RHOD: variants seen among roughly 807,000 people sequenced by gnomAD.
RHOD encodes the protein rho-related GTP-binding protein RhoD.
Under a neutral mutation model 16.7 loss-of-function variants are expected in RHOD, and 11 were observed. The observed-to-expected ratio is 0.66, with a 90% confidence interval of 0.41 to 1.09. RHOD has a LOEUF of 1.09. Ranked by LOEUF, RHOD falls within the 50% of genes least tolerant of loss-of-function variation. RHOD has a pLI of 0.00. For missense variants in RHOD, 271 were observed against 291.7 expected (o/e 0.93, Z 0.52); for synonymous variants, 124 against 126.3 (o/e 0.98, Z 0.12).
At chr11:67,061,822 G>GTA (rs1263129494) in intron 1 of RHOD, among the ~76,000 whole-genome samples, 1 of 124,776 alleles carries the variant, frequency 8.0e-6, no homozygotes, top group Admixed American at 8.9e-5. Flanking sequence ...ATATATATAT[G>GTA]TGTGTGTGTG....
Position 67,065,885 on chromosome 11 carries a change from C to T in RHOD, c.133-11C>T, listed in dbSNP as rs1232308394. ...CCTCCTCACACCCTCCCCCGCCCTG[C>T]TTCTCCTCAGAGCTACACCCCCACG... On this transcript the variant is annotated splice_polypyrimidine_tract_variant and intron_variant, in intron 1 of 4. Transcript: ENST00000308831. 5.6e-6 allele frequency: 9 copies of T among 1,609,898 alleles called. No individual in the cohort carries two copies. The African/African-American group carries it at 9.4e-5, about 17-fold the overall frequency.
chr11:67,071,528 G>T lies in RHOD; in HGVS notation c.559G>T (p.Ala187Ser). Reference sequence around the variant, plus strand: ...CGTCCACGCCGTCTTCCAGGAGGCCGCCGAGGTGGCCCTCAGCAGCCGCGG... The same window carrying T: ...CGTCCACGCCGTCTTCCAGGAGGCCTCCGAGGTGGCCCTCAGCAGCCGCGG... ...DNVHAVFQEAAEVALSSRGRN... is the reference protein window; with the variant it reads ...DNVHAVFQEASEVALSSRGRN... The change falls in exon 5 of 5, where the codon GCC becomes TCC. Residue 187 changes from alanine (A) to serine (S), a missense_variant. Transcript: ENST00000308831. 6.2e-7 allele frequency: 1 copy of T among 1,611,670 alleles called. No homozygotes were observed.
Position 67,070,555 on chromosome 11 carries a change from A to G in RHOD, c.461A>G (p.His154Arg), listed in dbSNP as rs749153297. The G allele has an allele frequency of 3.1e-6, 5 of 1,614,020 alleles. No individual in the cohort carries two copies. The highest frequency in any genetic ancestry group is 3.3e-5 in the Admixed American group (2 of 60,016). The change falls in exon 4 of 5, where the codon CAC becomes CGC. Residue 154 changes from histidine (H) to arginine (R), a missense_variant. Coordinates refer to ENST00000308831, the MANE Select transcript of RHOD (RefSeq NM_014578.4). ...AACGGATTGGAGCCTGTGACCTACC[A>G]CAGGGTAGGAAACCCAGCCCGAGGT... ...RRNGLEPVTY[H>R]RGQEMARSVG...
At chr11:67,067,085 T>C (rs965833574) in intron 3 of RHOD, among the ~76,000 whole-genome samples, 1 of 152,222 alleles carries the variant, frequency 6.6e-6, no homozygotes, top group African/African-American at 2.4e-5. Context: ...ACAGTGCTCC[T>C]TGCCTACCCT....
At chr11:67,064,040 A>G (rs1349294616) in intron 1 of RHOD, among the ~76,000 whole-genome samples, 1 of 141,658 alleles carries the variant, frequency 7.1e-6, no homozygotes, top group East Asian at 2.3e-4. Context: ...CAGAAGGCAG[A>G]GGTTGCAGTG....
intron 3 of RHOD, among the ~76,000 whole-genome samples, chr11:67,067,954 C>T (rs1854979386): frequency 6.6e-6 from 1 of 152,158 alleles, no homozygotes; most frequent in Non-Finnish European, 1.5e-5. Context: ...CGCCCGCCAC[C>T]ACGCCCGGCT....
intron 1 of RHOD, among the ~76,000 whole-genome samples, chr11:67,061,760 A>G (rs1456145554): frequency 7.0e-6 from 1 of 142,058 alleles, no homozygotes; most frequent in Non-Finnish European, 1.5e-5. Flanking sequence ...AAAAAAATAT[A>G]TATATATATA....
intron 1 of RHOD, among the ~76,000 whole-genome samples, chr11:67,057,562 C>T (rs1854828624): frequency 6.6e-6 from 1 of 152,216 alleles, no homozygotes; most frequent in African/African-American, 2.4e-5. Flanking sequence ...TGGCACATGT[C>T]GCTCCTGGGA....
intron 1 of RHOD, among the ~76,000 whole-genome samples, chr11:67,059,828 C>G (rs931729739): frequency 3.3e-5 from 5 of 152,204 alleles, no homozygotes; most frequent in Non-Finnish European, 5.9e-5. Context: ...TCTAGGCAGC[C>G]CTCGAAGCCC....
In RHOD at chr11:67,071,325, A is replaced by T. The variant is rs534208716; in HGVS notation, c.466-110A>T. On this transcript the variant is annotated intron_variant, in intron 4 of 4. Coordinates refer to ENST00000308831, the MANE Select transcript of RHOD (RefSeq NM_014578.4). ...TTGGGCAAGCAGGGATACGGGAGCCATGGGTGCTCCGCAGACCCCACCTTC... is the reference window on the plus strand; with the variant it reads ...TTGGGCAAGCAGGGATACGGGAGCCTTGGGTGCTCCGCAGACCCCACCTTC... 4 of 1,063,060 alleles carry T rather than the reference A, an allele frequency of 3.8e-6. No individual in the cohort carries two copies. The South Asian group carries it at 7.5e-5, about 20-fold the overall frequency. 65.9% of individuals were successfully genotyped at this position (1,063,060 alleles called of 1,614,324 possible).
intron 2 of RHOD, 70 bp from the exon 3 acceptor site, chr11:67,066,665 ACCT>A: frequency 5.1e-6 from 5 of 971,566 alleles, no homozygotes; most frequent in Non-Finnish European, 8.3e-6. Flanking sequence ...TGATGAGGTG[ACCT>A]CCTGACATTG....
At chr11:67,070,139 A>G (rs1855008374) in intron 3 of RHOD, 1 of 471,628 alleles carries the variant, frequency 2.1e-6, no homozygotes, top group Non-Finnish European at 4.1e-6. Context: ...AAATCCTGCC[A>G]TTTCCAGCCA....
intron 1 of RHOD, among the ~76,000 whole-genome samples, chr11:67,059,224 A>G (rs900146599): frequency 6.6e-6 from 1 of 152,164 alleles, no homozygotes; most frequent in African/African-American, 2.4e-5. Flanking sequence ...TCCCTGGAGC[A>G]GGAGAGTCCT....
At chr11:67,067,960 C>T (rs1470209276) in intron 3 of RHOD, among the ~76,000 whole-genome samples, 2 of 152,102 alleles carry the variant, frequency 1.3e-5, no homozygotes, top group East Asian at 1.9e-4. Flanking sequence ...CCACCACGCC[C>T]GGCTAATTTT....
intron 1 of RHOD, among the ~76,000 whole-genome samples, chr11:67,058,927 C>T (rs990088829): frequency 3.9e-5 from 6 of 152,100 alleles, no homozygotes; most frequent in African/African-American, 9.7e-5. Context: ...TGAGGGCACC[C>T]GGGGAAGAGC....
At position 67,061,753 on chromosome 11, in the gene RHOD, A is replaced by AT. The variant is rs1555071094; in HGVS notation, c.133-4143_133-4142insT. 7.1e-3 allele frequency among the ~76,000 whole-genome samples: 891 copies of AT among 126,188 alleles called. 11 individuals are homozygous for AT. The highest frequency in any genetic ancestry group is 0.053 in the East Asian group (249 of 4,662). The allele number at this position is 126,188 out of a possible 152,430, so 82.8% of individuals were successfully genotyped here. Reference sequence around the variant, plus strand: ...GAGACCCTCTCTAAAAAAAAAAAAAAAAATATATATATATATATATATGTG... The same window carrying AT: ...GAGACCCTCTCTAAAAAAAAAAAAAATAAATATATATATATATATATATGTG... On this transcript the variant is annotated intron_variant, in intron 1 of 4. Coordinates refer to ENST00000308831, the MANE Select transcript of RHOD (RefSeq NM_014578.4).
chr11:67,064,226 G>A lies in RHOD; in HGVS notation c.133-1670G>A, dbSNP rs1300473987. Among the ~76,000 whole-genome samples the A allele has an allele frequency of 3.3e-5, 5 of 151,214 alleles. No homozygotes were observed. In the East Asian group the frequency reaches 7.8e-4, roughly 23 times the overall value. ...TCGAGACCATCCTGGCTAACACGGT[G>A]AAACCCCGTCTCTACTAAAAATACA... On this transcript the variant is annotated intron_variant, in intron 1 of 4. Transcript: ENST00000308831.
In RHOD at chr11:67,056,927, G is replaced by A; in HGVS notation, c.25G>A (p.Glu9Lys). 2.0e-6 allele frequency: 3 copies of A among 1,475,650 alleles called. No homozygotes were observed. The highest frequency in any genetic ancestry group is 1.3e-5 in the South Asian group (1 of 77,224). The allele number at this position is 1,475,650 out of a possible 1,614,324, so 91.4% of individuals were successfully genotyped here. Residue 9 changes from glutamate (E) to lysine (K), a missense_variant, in exon 1 of 5, where the codon GAG (glutamate) becomes AAG (lysine). Physicochemically the swap from Glu to Lys is moderately conservative, Grantham distance 56. Coordinates refer to ENST00000308831, the MANE Select transcript of RHOD (RefSeq NM_014578.4). MTAAQAAG[E>K]EAPPGVRSVK... ...GATGACGGCGGCCCAGGCCGCGGGT[G>A]AGGAGGCGCCACCAGGCGTGCGGTC... is the stretch of plus-strand genomic sequence containing the variant.
rs1854965471 is a variant in RHOD at position 67,066,835 on chromosome 11, C to T, written c.318C>T (p.Asn106=). 6.2e-7 allele frequency: 1 copy of T among 1,611,106 alleles called. No individual in the cohort carries two copies. The highest frequency in any genetic ancestry group is 1.3e-5 in the African/African-American group (1 of 74,888). ...FDVTSPNSFD[N]IFNRWYPEVN... Reference sequence around the variant, plus strand: ...TCACCAGCCCGAACAGCTTTGACAACATCTTTAACCGGGTAGGTACTGGGG... The same window carrying T: ...TCACCAGCCCGAACAGCTTTGACAATATCTTTAACCGGGTAGGTACTGGGG... Residue 106 remains asparagine (N), a synonymous_variant, in exon 3 of 5, where the codon AAC becomes AAT. Transcript: ENST00000308831.
Sources: allele counts gnomAD v4.1 joint callset (sites outside exome capture counted in the v4.1 genomes callset), GRCh38; gene constraint gnomAD v4.1.1; transcripts MANE v1.5; gene names NCBI Gene and HGNC (gene_info 2026-07-23, HGNC 2026-07-21).